Variants in EHMT2 observed in about 807,000 individuals in gnomAD.
The protein encoded by EHMT2 is euchromatic histone lysine methyltransferase 2.
EHMT2 carries 59 observed loss-of-function variants against 143.3 expected under a neutral mutation model. The observed-to-expected ratio is 0.41, with a 90% CI of 0.33 to 0.51. The LOEUF is 0.51. Among genes scored for constraint, EHMT2 ranks in the 20% least tolerant of loss-of-function variants. The pLI, the probability that EHMT2 is intolerant of heterozygous loss-of-function variation, is 0.18. For missense variants in EHMT2, 1,174 were observed against 1,645.9 expected (o/e 0.71, Z 4.96); for synonymous variants, 604 against 651.5 (o/e 0.93, Z 1.11).
In EHMT2 at chr6:31,881,240, G is replaced by A; in HGVS notation, c.3198-148C>T. 1.4e-6 allele frequency: 1 copy of A among 720,462 alleles called. No homozygotes were observed. Among genetic ancestry groups the A allele is most frequent in the Admixed American group, 2.0e-5 (1 of 49,188 alleles). The allele number at this position is 720,462 out of a possible 1,614,324, so 44.6% of individuals were successfully genotyped here. A position where few individuals can be genotyped will look rare whatever the true frequency, so the allele number is the denominator to read the frequency against. ...GGGAAGGCCTGGAGCAGCAGTGGTG[G>A]GCAAGTGAAAGGGCAGCATTCCAGC... On this transcript the variant is annotated intron_variant, in intron 25 of 27. Coordinates refer to ENST00000375537, the Ensembl canonical transcript of EHMT2. This position sits in a 1 kb window ranked among gnomAD's most constrained non-coding sequence, Gnocchi z 4.8.
chr6:31,897,596 G>A (rs1234724734), intron 1 of EHMT2, 40 bp downstream of exon 1: 3 of 1,128,714 alleles, frequency 2.7e-6, no homozygotes, highest in African/African-American at 3.3e-5. Context: ...CCGGGCGCGC[G>A]CGCGGGCATG....
exon 28 of EHMT2, chr6:31,879,980 G>A: frequency 7.7e-7 from 1 of 1,302,844 alleles, no homozygotes; most frequent in South Asian, 1.3e-5. Flanking sequence ...GTGGTGGGGA[G>A]AGAAGATGGC....
Position 31,888,488 on chromosome 6 carries a change from C to A in EHMT2, c.1384G>T (p.Ala462Ser), listed in dbSNP as rs764465087. The change falls in exon 12 of 28, where the codon GCC (alanine) becomes TCC (serine). Residue 462 changes from alanine (A) to serine (S), a missense_variant. Ala to Ser is a moderately conservative substitution (Grantham distance 99). Coordinates refer to ENST00000375537, the Ensembl canonical transcript of EHMT2. The surrounding 1 kb of genome is among the most constrained non-coding windows in gnomAD (Gnocchi z 7.4). The stretch of plus-strand genomic sequence containing the variant: ...CTCATGGTCTCCCGCTTGAGGATGG[C>A]GGCATTGCAGCCTGACAGCTGTGCG... 5.0e-6 allele frequency: 8 copies of A among 1,612,410 alleles called. No individual in the cohort carries two copies. The highest frequency in any genetic ancestry group is 1.1e-5 in the South Asian group (1 of 90,972).
chr6:31,896,507 G>A, exon 4 of EHMT2: 2 of 1,612,856 alleles, frequency 1.2e-6, no homozygotes, highest in Non-Finnish European at 1.7e-6. Flanking sequence ...GAATGACTTT[G>A]TGGCATGGCC....
chr6:31,885,302 C>T, intron 18 of EHMT2: 1 of 306,422 alleles, frequency 3.3e-6, no homozygotes, highest in Non-Finnish European at 6.0e-6. Flanking sequence ...ACGGTGAAAC[C>T]CTGTCTCTAC....
intron 18 of EHMT2, 176 bp downstream of exon 18, chr6:31,886,405 G>T: frequency 1.6e-6 from 1 of 614,246 alleles, no homozygotes; most frequent in Non-Finnish European, 2.8e-6. Flanking sequence ...TTGATAAAGA[G>T]AAAGAAACGA....
chr6:31,892,986 C>A, intron 4 of EHMT2, 76 bp from the exon 5 acceptor site: 1 of 970,484 alleles, frequency 1.0e-6, no homozygotes, highest in Non-Finnish European at 1.5e-6. Context: ...GAGCCCCAGG[C>A]GGGGGTGGGG....
At position 31,882,679 on chromosome 6, in the gene EHMT2, A is replaced by G. The variant is rs1375772677; in HGVS notation, c.3197+20T>C. The G allele has an allele frequency of 2.5e-6, 4 of 1,607,816 alleles. No homozygotes were observed. ...TGTATCCCCTTCCCACCAGGTGTTA[A>G]GGTGCTCCCGGTGACTTACTCGCAG... On this transcript the variant is annotated intron_variant, in intron 25 of 27. Transcript: ENST00000375537.
intron 7 of EHMT2, among the ~76,000 whole-genome samples, chr6:31,892,205 G>A (rs1374762128): frequency 1.3e-5 from 2 of 152,172 alleles, no homozygotes; most frequent in Non-Finnish European, 2.9e-5. Context: ...TCGTGATATT[G>A]CGCTCCAGCC....
intron 4 of EHMT2, among the ~76,000 whole-genome samples, chr6:31,893,841 G>A (rs1359081440): frequency 6.6e-6 from 1 of 152,188 alleles, no homozygotes; most frequent in Non-Finnish European, 1.5e-5. Flanking sequence ...CAGGGGCTAG[G>A]GGGTGGAGGG....
At position 31,887,077 on chromosome 6, in the gene EHMT2, TG is replaced by T; in HGVS notation, c.2035del (p.Gln679ArgfsTer33). 6.2e-7 allele frequency: 1 copy of T among 1,610,196 alleles called. No homozygotes were observed. Among genetic ancestry groups the T allele is most frequent in the Non-Finnish European group, 8.5e-7 (1 of 1,178,016 alleles). The stretch of plus-strand genomic sequence containing the variant: ...CGTGCGCTTGCTCTGCTGGTCGCTC[TG>T]GAAGTTGGGGTCCAGGTTGTCCACT... On this transcript the variant is annotated frameshift_variant, in exon 16 of 28. Coordinates refer to ENST00000375537, the Ensembl canonical transcript of EHMT2. LOFTEE classifies it high-confidence loss of function.
Position 31,883,388 on chromosome 6 carries a change from G to A in EHMT2, c.2968C>T (p.Leu990Phe). Residue 990 changes from leucine (L) to phenylalanine (F), a missense_variant, in exon 23 of 28, where the codon CTC (leucine) becomes TTC (phenylalanine). Leu to Phe is a conservative substitution (Grantham distance 22). Coordinates refer to ENST00000375537, the Ensembl canonical transcript of EHMT2. This position sits in a 1 kb window ranked among gnomAD's most constrained non-coding sequence, Gnocchi z 5.6. The stretch of plus-strand genomic sequence containing the variant: ...TTGTCATACCAGCACCGGATGCTGA[G>A]CTGGCCGCACAGGCAGTTGGAGCTA... 6.2e-7 allele frequency: 1 copy of A among 1,613,008 alleles called. No individual in the cohort carries two copies. Among genetic ancestry groups the A allele is most frequent in the Non-Finnish European group, 8.5e-7 (1 of 1,179,980 alleles).
Position 31,884,927 on chromosome 6 carries a change from G to A in EHMT2, c.2433C>T (p.Val811=). ...GCTCACTCACGTTGTCAGTGAGGGT[G>A]ACGTCGGCGCCCCGCGTCAGTAGCA... The change falls in exon 19 of 28, where the codon GTC becomes GTT. Residue 811 remains valine (V), a synonymous_variant. Transcript: ENST00000375537. The surrounding 1 kb of genome is among the most constrained non-coding windows in gnomAD (Gnocchi z 7.3). 6.2e-7 allele frequency: 1 copy of A among 1,605,538 alleles called. No individual in the cohort carries two copies. The highest frequency in any genetic ancestry group is 8.5e-7 in the Non-Finnish European group (1 of 1,173,408).
chr6:31,880,056 T>C lies in EHMT2; in HGVS notation c.*28A>G. ...GAGGCGGCTGAGCTGTGGCCATCCATGCTGGGGAGAGAGGGTGTGGTCCGT... is the reference window on the plus strand; with the variant it reads ...GAGGCGGCTGAGCTGTGGCCATCCACGCTGGGGAGAGAGGGTGTGGTCCGT... On this transcript the variant is annotated 3_prime_UTR_variant, in exon 28 of 28. Coordinates refer to ENST00000375537, the Ensembl canonical transcript of EHMT2. This position sits in a 1 kb window ranked among gnomAD's most constrained non-coding sequence, Gnocchi z 6.6. 2 of 1,602,604 alleles carry C rather than the reference T, an allele frequency of 1.2e-6. No homozygotes were observed. Among genetic ancestry groups the C allele is most frequent in the Non-Finnish European group, 1.7e-6 (2 of 1,173,304 alleles).
chr6:31,893,754 G>T (rs1030345590), intron 4 of EHMT2: 1 of 232,090 alleles, frequency 4.3e-6, no homozygotes, highest in Admixed American at 4.4e-5. Flanking sequence ...AGTCACAAAA[G>T]GATAAATACT....
chr6:31,894,791 G>A (rs1031995168), intron 4 of EHMT2, among the ~76,000 whole-genome samples: 4 of 149,272 alleles, frequency 2.7e-5, no homozygotes, highest in Non-Finnish European at 4.4e-5. Flanking sequence ...ACAGGCGCAC[G>A]CCACCACACC....
Position 31,883,233 on chromosome 6 carries a change from CCAGTCCTCT to C in EHMT2, c.2994+120_2994+128del, listed in dbSNP as rs1301693661. 8 of 1,054,536 alleles carry C rather than the reference CCAGTCCTCT, an allele frequency of 7.6e-6. No homozygotes were observed. Among genetic ancestry groups the C allele is most frequent in the Non-Finnish European group, 9.9e-6 (7 of 708,992 alleles). The allele number at this position is 1,054,536 out of a possible 1,614,324, so 65.3% of individuals were successfully genotyped here. A position where few individuals can be genotyped will look rare whatever the true frequency, so the allele number is the denominator to read the frequency against. ...ACATCCCAGGATTCCCAGGCCTTGC[CCAGTCCTCT>C]CAGTCACTTCCCCCACAGGGTAGGA... On this transcript the variant is annotated intron_variant, in intron 23 of 27. Coordinates refer to ENST00000375537, the Ensembl canonical transcript of EHMT2. This position sits in a 1 kb window ranked among gnomAD's most constrained non-coding sequence, Gnocchi z 5.6.
chr6:31,884,437 A>G lies in EHMT2; in HGVS notation c.2726T>C (p.Leu909Pro). The G allele has an allele frequency of 6.2e-7, 1 of 1,612,908 alleles. No homozygotes were observed. The highest frequency in any genetic ancestry group is 8.5e-7 in the Non-Finnish European group (1 of 1,180,012). The change falls in exon 21 of 28, where the codon CTT (leucine) becomes CCT (proline). Residue 909 changes from leucine to proline, a missense_variant. This residue lies in a region of EHMT2 where 608 missense variants were observed against 903.7 expected (regional missense o/e 0.67). Coordinates refer to ENST00000375537, the Ensembl canonical transcript of EHMT2. The surrounding 1 kb of genome is among the most constrained non-coding windows in gnomAD (Gnocchi z 7.3). Reference sequence around the variant, plus strand: ...GCGGATGGCCCGATTTCCCACCCCAAGTCGGAGCTTGCGGTTGAGTTGAAG... The same window carrying G: ...GCGGATGGCCCGATTTCCCACCCCAGGTCGGAGCTTGCGGTTGAGTTGAAG...
In EHMT2 at chr6:31,887,888, C is replaced by A. The variant is rs1380895741; in HGVS notation, c.1819G>T (p.Gly607Trp). 1.9e-6 allele frequency: 3 copies of A among 1,611,370 alleles called. No individual in the cohort carries two copies. In the East Asian group the frequency reaches 6.7e-5, roughly 36 times the overall value. The stretch of plus-strand genomic sequence containing the variant: ...CCATTGGGCAGGGTCAGGGAGGGCC[C>A]TGAGCTGTCAATGGTGTCAGCCAGG... The change falls in exon 14 of 28, where the codon GGG (glycine) becomes TGG (tryptophan). Residue 607 changes from glycine (G) to tryptophan (W), a missense_variant. Gly to Trp is a radical substitution (Grantham distance 184). Coordinates refer to ENST00000375537, the Ensembl canonical transcript of EHMT2.
Sources: gnomAD v4.1 joint callset for allele counts (sites outside exome capture counted in the v4.1 genomes callset) on GRCh38, gnomAD v4.1.1 for gene constraint, gnomAD v4.1.1 regional missense constraint, Gnocchi (gnomAD v3.1) non-coding constraint, MANE v1.5 for transcripts, NCBI Gene and HGNC (gene_info 2026-07-23, HGNC 2026-07-21) for gene names.